FARP1: variants seen among roughly 807,000 people sequenced by gnomAD.
FARP1 encodes the protein FERM, ARHGEF and pleckstrin domain-containing protein 1.
A neutral mutation model predicts 128.8 loss-of-function variants in FARP1; 52 were observed. The observed-to-expected ratio is 0.40, with a 90% CI of 0.32 to 0.51. The LOEUF (loss-of-function observed/expected upper bound fraction) is 0.51, where lower values mean the gene tolerates loss of function less well. FARP1 is among the 20% of genes least tolerant of loss of function. The probability of loss-of-function intolerance (pLI) is 0.45; values close to 1 mark genes in which losing one functional copy is unlikely to be tolerated. For missense variants in FARP1, 1,333 were observed against 1,367.9 expected (o/e 0.97, Z 0.40); for synonymous variants, 580 against 551.8 (o/e 1.05, Z -0.72).
chr13:98,221,508 C>G (rs1881412172), intron 2 of FARP1, among the ~76,000 whole-genome samples: 1 of 152,170 alleles, frequency 6.6e-6, no homozygotes, highest in Admixed American at 6.5e-5. Flanking sequence ...GAACCAAGCA[C>G]CACTTGGACA....
intron 1 of FARP1, among the ~76,000 whole-genome samples, chr13:98,145,712 A>C (rs1275255644): frequency 1.3e-5 from 2 of 150,224 alleles, no homozygotes; most frequent in East Asian, 4.0e-4. Context: ...AAAATACAAA[A>C]ATTAGCCAGG....
chr13:98,287,618 A>T (rs551457976), intron 2 of FARP1, among the ~76,000 whole-genome samples: 1 of 151,842 alleles, frequency 6.6e-6, no homozygotes, highest in South Asian at 2.1e-4. Flanking sequence ...TTTGCCCCCT[A>T]CCTGTTATTT....
intron 2 of FARP1, among the ~76,000 whole-genome samples, chr13:98,322,966 G>A (rs1887065879): frequency 1.3e-5 from 2 of 152,176 alleles, no homozygotes; most frequent in African/African-American, 4.8e-5. Flanking sequence ...AATAGGAAGA[G>A]TTTATGGTTG....
intron 17 of FARP1, among the ~76,000 whole-genome samples, chr13:98,426,979 C>A (rs1456327831): frequency 6.6e-6 from 1 of 152,188 alleles, no homozygotes; most frequent in Non-Finnish European, 1.5e-5. Flanking sequence ...CCCCTAAACA[C>A]ACAGTTTCCC....
At position 98,440,676 on chromosome 13, in the gene FARP1, C is replaced by A; in HGVS notation, c.2636C>A (p.Pro879His). 2 of 1,612,366 alleles carry A rather than the reference C, an allele frequency of 1.2e-6. No individual in the cohort carries two copies. Among genetic ancestry groups the A allele is most frequent in the Non-Finnish European group, 1.7e-6 (2 of 1,179,406 alleles). ...CTTTTGCCCCATCCTGTAGAGTCCC[C>A]TGATGAAGCCACCGCGGCTGACCAG... ...LASSPPDNKS[P>H]DEATAADQES... Residue 879 changes from proline to histidine, a missense_variant, in exon 24 of 27, where the codon CCT (proline) becomes CAT (histidine). Physicochemically the swap from Pro to His is moderately conservative, Grantham distance 77. Transcript: ENST00000319562.
chr13:98,273,533 T>A (rs898059194), intron 2 of FARP1, among the ~76,000 whole-genome samples: 1 of 152,214 alleles, frequency 6.6e-6, no homozygotes, highest in Admixed American at 6.5e-5. Context: ...CAAGAGGCGT[T>A]TGTTCAGTTG....
intron 2 of FARP1, among the ~76,000 whole-genome samples, chr13:98,241,997 C>G (rs1235996660): frequency 6.6e-6 from 1 of 152,098 alleles, no homozygotes; most frequent in Non-Finnish European, 1.5e-5. Flanking sequence ...CCCAGCTACT[C>G]AGGAGGCTAA....
chr13:98,446,215 T>C lies in FARP1; in HGVS notation c.2904+10T>C. On this transcript the variant is annotated intron_variant, in intron 25 of 26. Transcript: ENST00000319562. The stretch of plus-strand genomic sequence containing the variant: ...CTACAAATCACACCAGGTAAGTGTC[T>C]CGCACAGGGCAGGTGGCCCTGGGAC... 6.3e-7 allele frequency: 1 copy of C among 1,594,020 alleles called. No homozygotes were observed. The highest frequency in any genetic ancestry group is 1.1e-5 in the South Asian group (1 of 90,434).
At chr13:98,296,764 C>A (rs1885716017) in intron 2 of FARP1, among the ~76,000 whole-genome samples, 1 of 146,766 alleles carries the variant, frequency 6.8e-6, no homozygotes. Context: ...TAGCTCACTG[C>A]AGCCTCTGCT....
At position 98,395,223 on chromosome 13, in the gene FARP1, C is replaced by T. The variant is rs1383850453; in HGVS notation, c.1165-4C>T. The T allele has an allele frequency of 1.9e-6, 3 of 1,586,462 alleles. No homozygotes were observed. Among genetic ancestry groups the T allele is most frequent in the African/African-American group, 2.7e-5 (2 of 74,292 alleles). ...CTCCGCACCTTTTTCCCCACCCCAC[C>T]CAGTCTCAGCAGAGCACCAGCCTTA... On this transcript the variant is annotated splice_polypyrimidine_tract_variant and splice_region_variant and intron_variant, in intron 12 of 26. Coordinates refer to ENST00000319562, the MANE Select transcript of FARP1 (RefSeq NM_005766.4).
intron 2 of FARP1, among the ~76,000 whole-genome samples, chr13:98,336,495 C>T (rs1392676719): frequency 6.6e-6 from 1 of 152,192 alleles, no homozygotes; most frequent in Non-Finnish European, 1.5e-5. Flanking sequence ...TGGTCTCGAA[C>T]TCCTGACCTC....
Position 98,143,158 on chromosome 13 carries a change from G to C in FARP1, c.-358G>C, listed in dbSNP as rs1369803355. On this transcript the variant is annotated 5_prime_UTR_variant, in exon 1 of 27. Coordinates refer to ENST00000319562, the MANE Select transcript of FARP1 (RefSeq NM_005766.4). ...CGCGGGCGCAGCGGTGCGGGCGCTC[G>C]GCTGGGGCGCGGGGCGGGGACGCGG... 6.8e-6 allele frequency: 1 copy of C among 147,430 alleles called. No homozygotes were observed. Among genetic ancestry groups the C allele is most frequent in the South Asian group, 2.1e-4 (1 of 4,832 alleles). The allele number at this position is 147,430 out of a possible 1,614,324, so 9.1% of individuals were successfully genotyped here.
At chr13:98,186,731 C>T (rs1341824747) in intron 1 of FARP1, among the ~76,000 whole-genome samples, 1 of 151,896 alleles carries the variant, frequency 6.6e-6, no homozygotes, top group African/African-American at 2.4e-5. Flanking sequence ...GTGGCTCACA[C>T]CTGTAATCCC....
intron 2 of FARP1, among the ~76,000 whole-genome samples, chr13:98,327,709 G>A (rs562844485): frequency 6.6e-6 from 1 of 152,292 alleles, no homozygotes; most frequent in South Asian, 2.1e-4. Context: ...AGACCTGATT[G>A]CTGTCACTCT....
chr13:98,431,460 G>T, intron 18 of FARP1, 180 bp downstream of exon 18: 18 of 410,528 alleles, frequency 4.4e-5, no homozygotes, highest in Non-Finnish European at 4.7e-5. Context: ...GTTACATCTT[G>T]ATTTTTTTTT....
chr13:98,446,550 C>T (rs1309848887), intron 25 of FARP1, 116 bp from the exon 26 acceptor site: 6 of 1,081,776 alleles, frequency 5.5e-6, no homozygotes, highest in African/African-American at 3.1e-5. Context: ...TCCAGGCCCA[C>T]GCCCGAGGAG....
At chr13:98,335,881 C>T (rs1275068584) in intron 2 of FARP1, among the ~76,000 whole-genome samples, 1 of 152,146 alleles carries the variant, frequency 6.6e-6, no homozygotes, top group East Asian at 1.9e-4. Flanking sequence ...CCAGCCATTC[C>T]CTTCTACTGA....
At chr13:98,393,558 A>C in intron 11 of FARP1, 85 bp from the exon 12 acceptor site, 3 of 1,088,622 alleles carry the variant, frequency 2.8e-6, no homozygotes, top group Non-Finnish European at 4.2e-6. Context: ...TACGTCCAAC[A>C]AAAGGACTTT....
intron 2 of FARP1, among the ~76,000 whole-genome samples, chr13:98,322,609 CG>C: frequency 6.6e-6 from 1 of 152,140 alleles, no homozygotes; most frequent in Middle Eastern, 3.4e-3. Flanking sequence ...GACCAAGACC[CG>C]GAGCTTACAT....
Sources: gnomAD v4.1 joint callset for allele counts (sites outside exome capture counted in the v4.1 genomes callset) on GRCh38, gnomAD v4.1.1 for gene constraint, MANE v1.5 for transcripts, NCBI Gene and HGNC (gene_info 2026-07-23, HGNC 2026-07-21) for gene names.